Variants in AHRR observed in about 807,000 individuals in gnomAD.
AHRR encodes the protein aryl hydrocarbon receptor repressor, also known as ahR repressor.
In AHRR, 28 loss-of-function variants were observed where a neutral mutation model predicts 44.0. That is an observed-to-expected ratio of 0.64 (90% CI 0.47 to 0.87). AHRR has a LOEUF of 0.87. AHRR is among the 40% of genes least tolerant of loss of function. The pLI, the probability that AHRR is intolerant of heterozygous loss-of-function variation, is 0.00. For synonymous variants in AHRR, 434 were observed against 407.0 expected, an observed-to-expected ratio of 1.07 and a Z score of -0.80; for missense variants, 990 against 953.9, an observed-to-expected ratio of 1.04 and a Z score of -0.50.
At position 423,789 on chromosome 5, in the gene AHRR, G is replaced by A. The variant is rs188751498; in HGVS notation, c.572-52G>A. On this transcript the variant is annotated intron_variant, in intron 6 of 10. Transcript: ENST00000684583. ...GTGGGCGTGGTTGTGCGTGTGACAC[G>A]TGTGTTTTGGCTTCTCCCACCGCCA... is the stretch of plus-strand genomic sequence containing the variant. 12 of 1,549,418 alleles carry A rather than the reference G, an allele frequency of 7.7e-6. No individual in the cohort carries two copies. The East Asian group carries it at 1.6e-4, about 21-fold the overall frequency.
chr5:434,438 C>T lies in AHRR; in HGVS notation c.1698C>T (p.Phe566=), dbSNP rs1339388842. 3.7e-6 allele frequency: 6 copies of T among 1,613,352 alleles called. No homozygotes were observed. The highest frequency in any genetic ancestry group is 1.3e-5 in the African/African-American group (1 of 74,938). ...GTGACAGGAGCCACCCAGCCACCTTCCCTACCAGGATGCACCTGAAAACAG... is the reference window on the plus strand; with the variant it reads ...GTGACAGGAGCCACCCAGCCACCTTTCCTACCAGGATGCACCTGAAAACAG... ...GASDRSHPAT[F]PTRMHLKTEP... Residue 566 remains phenylalanine, a synonymous_variant, in exon 11 of 11, where the codon TTC becomes TTT. Transcript: ENST00000684583.
chr5:372,020 T>C (rs1442611424), intron 3 of AHRR, among the ~76,000 whole-genome samples: 1 of 152,148 alleles, frequency 6.6e-6, no homozygotes, highest in Non-Finnish European at 1.5e-5. Context: ...GTCCTGCCAA[T>C]AGGGACCTTC....
At chr5:391,323 A>ATGGGGGCAGGGCGAGG (rs1553984914) in intron 4 of AHRR, among the ~76,000 whole-genome samples, 1 of 132,460 alleles carries the variant, frequency 7.5e-6, no homozygotes, top group Non-Finnish European at 1.7e-5. Context: ...CAGAGCGTGC[A>ATGGGGGCAGGGCGAGG]CGGGCGCAGG....
At chr5:336,315 A>G (rs1358271086) in intron 1 of AHRR, among the ~76,000 whole-genome samples, 1 of 151,986 alleles carries the variant, frequency 6.6e-6, no homozygotes, top group East Asian at 1.9e-4. Context: ...CCTTCTTCCT[A>G]AGTTTTGCTG....
rs1741501061 is a variant in AHRR, at chr5:321,780, C to T, written c.-50C>T. Reference sequence around the variant, plus strand: ...CAGCTCCTGGCCAGGGCGCGCTGCCCCGCGGGTGTGCCTGAGCCTCCGCGC... The same window carrying T: ...CAGCTCCTGGCCAGGGCGCGCTGCCTCGCGGGTGTGCCTGAGCCTCCGCGC... On this transcript the variant is annotated 5_prime_UTR_variant, in exon 1 of 11. Coordinates refer to ENST00000684583, the MANE Select transcript of AHRR (RefSeq NM_001377236.1). The surrounding 1 kb of genome is among the most constrained non-coding windows in gnomAD (Gnocchi z 8.3). 6.6e-6 allele frequency: 1 copy of T among 151,634 alleles called. No individual in the cohort carries two copies. Among genetic ancestry groups the T allele is most frequent in the South Asian group, 2.1e-4 (1 of 4,836 alleles). 9.4% of individuals were successfully genotyped at this position (151,634 alleles called of 1,614,324 possible).
At position 434,028 on chromosome 5, in the gene AHRR, C is replaced by G. The variant is rs1431925954; in HGVS notation, c.1288C>G (p.Pro430Ala). The change falls in exon 11 of 11, where the codon CCC (proline) becomes GCC (alanine). Residue 430 changes from proline (P) to alanine (A), a missense_variant. Physicochemically the swap from Pro to Ala is conservative, Grantham distance 27. Transcript: ENST00000684583. ...TGACCCGCCCTCCCTGCGCCCCATG[C>G]CCCGCGGCTCCTGCCTGCCCTGCCC... is the stretch of plus-strand genomic sequence containing the variant. ...KNDPPSLRPM[P>A]RGSCLPCPCV... 1.2e-6 allele frequency: 2 copies of G among 1,602,356 alleles called. No individual in the cohort carries two copies. Among genetic ancestry groups the G allele is most frequent in the Non-Finnish European group, 1.7e-6 (2 of 1,175,042 alleles).
chr5:416,207 A>G (rs1158252970), intron 5 of AHRR, among the ~76,000 whole-genome samples: 1 of 152,212 alleles, frequency 6.6e-6, no homozygotes, highest in Non-Finnish European at 1.5e-5. Context: ...CATGGCTGCC[A>G]AGGGGTGTCC....
In AHRR at chr5:382,915, G is replaced by A. The variant is rs896138588; in HGVS notation, c.351+6199G>A. Among the ~76,000 whole-genome samples, 5 of 152,044 alleles carry A rather than the reference G, an allele frequency of 3.3e-5. No individual in the cohort carries two copies. The South Asian group carries it at 1.0e-3, about 32-fold the overall frequency. On this transcript the variant is annotated intron_variant, in intron 4 of 10. Transcript: ENST00000684583. Reference sequence around the variant, plus strand: ...GTAATATAAGCATTTAATGCTATGAGCTTCTTTAAGCACCTTTACCTGTAT... The same window carrying A: ...GTAATATAAGCATTTAATGCTATGAACTTCTTTAAGCACCTTTACCTGTAT...
At chr5:367,414 C>T (rs1008915148) in intron 3 of AHRR, among the ~76,000 whole-genome samples, 5 of 152,242 alleles carry the variant, frequency 3.3e-5, no homozygotes, top group African/African-American at 1.2e-4. Flanking sequence ...TAACCAACAC[C>T]TTCCTCACCG....
rs1290353875 is a variant in AHRR at position 420,830 on chromosome 5, CACCCACGCAGCACGCACAG to C, written c.442-1889_442-1871del. The stretch of plus-strand genomic sequence containing the variant: ...GCAGCCACCCACCCACGCAGCCACC[CACCCACGCAGCACGCACAG>C]ACCCACGCACGCAGCCACCCACCCA... On this transcript the variant is annotated intron_variant, in intron 5 of 10. Coordinates refer to ENST00000684583, the MANE Select transcript of AHRR (RefSeq NM_001377236.1). 14 of 277,536 alleles carry C rather than the reference CACCCACGCAGCACGCACAG, an allele frequency of 5.0e-5. 1 individual carries two copies. Among genetic ancestry groups the C allele is most frequent in the African/African-American group, 3.1e-4 (13 of 42,354 alleles). The allele number at this position is 277,536 out of a possible 1,614,324, so 17.2% of individuals were successfully genotyped here. A position where few individuals can be genotyped will look rare whatever the true frequency, so the allele number is the denominator to read the frequency against.
Position 370,387 on chromosome 5 carries a change from G to A in AHRR, c.245-6223G>A, listed in dbSNP as rs558636580. Among the ~76,000 whole-genome samples the A allele has an allele frequency of 3.3e-5, 5 of 152,184 alleles. No individual in the cohort carries two copies. The highest frequency in any genetic ancestry group is 6.5e-5 in the Admixed American group (1 of 15,284). Reference sequence around the variant, plus strand: ...GGCGTCGGGGAAGGGTTGGATGGGCGTCCCAGGCTTCTCAGAGCATCCCAT... The same window carrying A: ...GGCGTCGGGGAAGGGTTGGATGGGCATCCCAGGCTTCTCAGAGCATCCCAT... On this transcript the variant is annotated intron_variant, in intron 3 of 10. Transcript: ENST00000684583. This position sits in a 1 kb window ranked among gnomAD's most constrained non-coding sequence, Gnocchi z 4.5.
At position 432,496 on chromosome 5, in the gene AHRR, A is replaced by G; in HGVS notation, c.942A>G (p.Glu314=). The G allele has an allele frequency of 6.2e-7, 1 of 1,614,186 alleles. No individual in the cohort carries two copies. The highest frequency in any genetic ancestry group is 1.1e-5 in the South Asian group (1 of 91,088). Residue 314 remains glutamate (E), a synonymous_variant, in exon 9 of 11, where the codon GAA becomes GAG. Coordinates refer to ENST00000684583, the MANE Select transcript of AHRR (RefSeq NM_001377236.1). ...VKATTSLCES[E]LHGKPNYSAG... ...CCACCACCAGTCTGTGCGAATCGGA[A>G]CTGCATGGAAAACCCAATTACTCAG...
chr5:420,284 T>C (rs1042247009), intron 5 of AHRR, among the ~76,000 whole-genome samples: 3 of 152,240 alleles, frequency 2.0e-5, no homozygotes, highest in African/African-American at 7.2e-5. Context: ...GATGGAAGCC[T>C]AAACCCAGCA....
chr5:427,592 G>C (rs200355252), intron 7 of AHRR: 1 of 1,608,212 alleles, frequency 6.2e-7, no homozygotes, highest in Admixed American at 1.7e-5. Flanking sequence ...ACTGGGAGTG[G>C]GGGATGGTTT....
At chr5:382,834 G>A (rs1734037492) in intron 4 of AHRR, among the ~76,000 whole-genome samples, 1 of 147,378 alleles carries the variant, frequency 6.8e-6, no homozygotes, top group South Asian at 2.1e-4. Context: ...TTTTTCTTTA[G>A]ATACTTAAGA....
chr5:343,755 A>AGGAG (rs1365469031), intron 1 of AHRR, 138 bp from the exon 2 acceptor site: 2 of 781,932 alleles, frequency 2.6e-6, no homozygotes, highest in Non-Finnish European at 3.9e-6. Context: ...GGGTCCCACG[A>AGGAG]GGAGGAGCAG....
intron 4 of AHRR, among the ~76,000 whole-genome samples, chr5:378,008 G>C (rs1473670657): frequency 2.0e-5 from 3 of 152,202 alleles, no homozygotes; most frequent in Non-Finnish European, 2.9e-5. Flanking sequence ...AGCAGTTCCC[G>C]AAGTCTCAGT....
At chr5:400,414 G>C (rs945864759) in intron 4 of AHRR, among the ~76,000 whole-genome samples, 1 of 152,180 alleles carries the variant, frequency 6.6e-6, no homozygotes, top group Non-Finnish European at 1.5e-5. Flanking sequence ...TTGTCCTTGC[G>C]AAGTGGCAGG....
In AHRR at chr5:392,494, G is replaced by A. The variant is rs532367161; in HGVS notation, c.351+15778G>A. 6.0e-4 allele frequency among the ~76,000 whole-genome samples: 91 copies of A among 152,294 alleles called. 3 individuals carry two copies. The highest frequency in any genetic ancestry group is 5.4e-3 in the Admixed American group (83 of 15,304). On this transcript the variant is annotated intron_variant, in intron 4 of 10. Coordinates refer to ENST00000684583, the MANE Select transcript of AHRR (RefSeq NM_001377236.1). ...TGTGCACGGGCGCAGGGCGAGGTGGGTGCAGATGTGGCAGGTGCAGACGCG... is the reference window on the plus strand; with the variant it reads ...TGTGCACGGGCGCAGGGCGAGGTGGATGCAGATGTGGCAGGTGCAGACGCG...
Sources: gnomAD v4.1 joint callset for allele counts (sites outside exome capture counted in the v4.1 genomes callset) on GRCh38, gnomAD v4.1.1 for gene constraint, Gnocchi (gnomAD v3.1) non-coding constraint, MANE v1.5 for transcripts, NCBI Gene and HGNC (gene_info 2026-07-23, HGNC 2026-07-21) for gene names.